Variants in TCF3 observed in about 807,000 individuals in gnomAD.
The protein encoded by TCF3 is transcription factor 3, also known as transcription factor E2-alpha.
A neutral mutation model predicts 72.3 loss-of-function variants in TCF3; 54 were observed. The observed-to-expected ratio is 0.75, with a 90% CI of 0.60 to 0.94. The LOEUF is 0.94. Ranked by LOEUF, TCF3 falls within the 40% of genes least tolerant of loss-of-function variation. TCF3 has a pLI of 0.00. For missense variants in TCF3, 1,078 were observed against 934.4 expected (o/e 1.15, Z -2.00); for synonymous variants, 525 against 412.6 (o/e 1.27, Z -3.30).
intron 6 of TCF3, among the ~76,000 whole-genome samples, chr19:1,626,817 C>G (rs2062940331): frequency 6.6e-6 from 1 of 152,230 alleles, no homozygotes; most frequent in Non-Finnish European, 1.5e-5. Context: ...AGTGAGCACA[C>G]AGACGGCCCC....
At chr19:1,638,984 C>T (rs1169847503) in intron 3 of TCF3, among the ~76,000 whole-genome samples, 1 of 152,238 alleles carries the variant, frequency 6.6e-6, no homozygotes, top group Non-Finnish European at 1.5e-5. Context: ...GCACAAAGAT[C>T]TGCCAAGCCA....
chr19:1,643,250 T>C (rs2065596986), intron 3 of TCF3, among the ~76,000 whole-genome samples: 1 of 152,238 alleles, frequency 6.6e-6, no homozygotes, highest in Non-Finnish European at 1.5e-5. Context: ...AGACAGGGTC[T>C]GGCTCTGTCA....
At chr19:1,642,392 T>C (rs1474519974) in intron 3 of TCF3, among the ~76,000 whole-genome samples, 1 of 152,174 alleles carries the variant, frequency 6.6e-6, no homozygotes, top group African/African-American at 2.4e-5. Flanking sequence ...GTCGGCTTCC[T>C]AGGTCTGACG....
chr19:1,621,488 T>C (rs1323026486), intron 11 of TCF3, among the ~76,000 whole-genome samples: 1 of 149,250 alleles, frequency 6.7e-6, no homozygotes, highest in South Asian at 2.1e-4. Context: ...ACTGAGTCCC[T>C]CTCTGGGCCT....
Position 1,614,458 on chromosome 19 carries a change from G to A in TCF3, c.1822+827C>T, listed in dbSNP as rs145777664. Among the ~76,000 whole-genome samples, 313 of 152,328 alleles carry A rather than the reference G, an allele frequency of 2.1e-3. 6 individuals are homozygous for A. Among genetic ancestry groups the A allele is most frequent in the Non-Finnish European group, 3.1e-3 (209 of 68,018 alleles). ...TGCCACGGGAAGCAGAGGGACGGAC[G>A]GGCGGGATGGAGGGGAGGGCGGAAG... is the stretch of plus-strand genomic sequence containing the variant. On this transcript the variant is annotated intron_variant, in intron 18 of 18. Coordinates refer to ENST00000262965, the MANE Select transcript of TCF3 (RefSeq NM_003200.5). This position sits in a 1 kb window ranked among gnomAD's most constrained non-coding sequence, Gnocchi z 5.6.
chr19:1,645,739 G>A (rs377440168), intron 3 of TCF3, among the ~76,000 whole-genome samples: 35 of 152,148 alleles, frequency 2.3e-4, no homozygotes, highest in African/African-American at 5.8e-4. Flanking sequence ...TATCTGTCCC[G>A]CCCACTGCTG....
At chr19:1,630,253 A>G (rs1030901633) in intron 5 of TCF3, among the ~76,000 whole-genome samples, 1 of 152,256 alleles carries the variant, frequency 6.6e-6, no homozygotes, top group South Asian at 2.1e-4. Flanking sequence ...CACCCCCGGC[A>G]GGGGGGCGGG....
At position 1,621,873 on chromosome 19, in the gene TCF3, T is replaced by C. The variant is rs370625466; in HGVS notation, c.920A>G (p.His307Arg). 27 of 1,594,560 alleles carry C rather than the reference T, an allele frequency of 1.7e-5. No individual in the cohort carries two copies. Among genetic ancestry groups the C allele is most frequent in the Non-Finnish European group, 2.1e-5 (25 of 1,172,404 alleles). The change falls in exon 11 of 19, where the codon CAC becomes CGC. Residue 307 changes from histidine (H) to arginine (R), a missense_variant. Transcript: ENST00000262965. ...PGATYGGVSS[H>R]TPPVSGADSL... ...GTCGGCCCCGCTGACAGGCGGCGTGTGGCTGGAGACGCCGCCGTACGTGGC... is the reference window on the plus strand; with the variant it reads ...GTCGGCCCCGCTGACAGGCGGCGTGCGGCTGGAGACGCCGCCGTACGTGGC...
intron 3 of TCF3, among the ~76,000 whole-genome samples, chr19:1,635,590 C>T (rs970784917): frequency 6.6e-6 from 1 of 152,056 alleles, no homozygotes; most frequent in Non-Finnish European, 1.5e-5. Context: ...CCCAAAACAC[C>T]CACCCTCAAC....
chr19:1,650,617 C>T (rs1182791765), intron 1 of TCF3: 2 of 269,896 alleles, frequency 7.4e-6, no homozygotes, highest in Non-Finnish European at 1.4e-5. Context: ...GCAGGGCAGC[C>T]AGAACCTCTC....
intron 2 of TCF3, among the ~76,000 whole-genome samples, chr19:1,649,177 C>T (rs1221709648): frequency 6.6e-6 from 1 of 152,238 alleles, no homozygotes; most frequent in Non-Finnish European, 1.5e-5. Flanking sequence ...CCGTGGCAGT[C>T]ACAATGGTGG....
At chr19:1,648,326 T>C (rs1600171255) in intron 2 of TCF3, among the ~76,000 whole-genome samples, 1 of 151,770 alleles carries the variant, frequency 6.6e-6, no homozygotes, top group South Asian at 2.1e-4. Context: ...GCCAGGGAGG[T>C]GGAACTCCAC....
At chr19:1,627,498 A>G in intron 5 of TCF3, 72 bp from the exon 6 acceptor site, 1 of 1,392,634 alleles carries the variant, frequency 7.2e-7, no homozygotes, top group Non-Finnish European at 1.0e-6. Context: ...AGTGCCTGCC[A>G]TGTGCCTACA....
chr19:1,638,811 G>A (rs141200819), intron 3 of TCF3, among the ~76,000 whole-genome samples: 82 of 152,364 alleles, frequency 5.4e-4, no homozygotes, highest in Middle Eastern at 3.4e-3. Flanking sequence ...CACACCGGGG[G>A]AAGCAATCCG....
intron 3 of TCF3, among the ~76,000 whole-genome samples, chr19:1,640,977 T>C (rs927114137): frequency 2.0e-5 from 3 of 151,886 alleles, no homozygotes; most frequent in Non-Finnish European, 4.4e-5. Flanking sequence ...GGCGAAACCA[T>C]GTCTCTACTA....
In TCF3 at chr19:1,625,594, C is replaced by T. The variant is rs752274630; in HGVS notation, c.481G>A (p.Ala161Thr). The change falls in exon 7 of 19, where the codon GCG becomes ACG. Residue 161 changes from alanine (A) to threonine (T), a missense_variant. Transcript: ENST00000262965. ...CGCTCACCTAGGCTGCCGTCTGCCG[C>T]TCTCCGCCGGGAGCTGCCGGAGTAG... ...PSYSGSSRRR[A>T]ADGSLDTQPK... The T allele has an allele frequency of 1.9e-6, 3 of 1,586,356 alleles. No homozygotes were observed. The highest frequency in any genetic ancestry group is 2.8e-5 in the African/African-American group (2 of 72,512).
intron 18 of TCF3, chr19:1,612,401 T>C: frequency 6.2e-7 from 1 of 1,613,810 alleles, no homozygotes; most frequent in Non-Finnish European, 8.5e-7. Context: ...CCTCAGGTCT[T>C]TCTCCTCCAG....
rs780392726 is a variant in TCF3 at position 1,619,227 on chromosome 19, C to T, written c.1334G>A (p.Gly445Asp). ...TGCGAGGCCGTCCTCGGGGTGGCTG[C>T]CTCCAACCTGCAGGCGTGGGGAGAC... Reference protein sequence around the residue: ...LGGRHAGLVGGSHPEDGLAGS... With the variant: ...LGGRHAGLVGDSHPEDGLAGS... The change falls in exon 16 of 19, where the codon GGC becomes GAC. Residue 445 changes from glycine to aspartate, a missense_variant. Transcript: ENST00000262965. 4 of 1,594,852 alleles carry T rather than the reference C, an allele frequency of 2.5e-6. No homozygotes were observed. Among genetic ancestry groups the T allele is most frequent in the African/African-American group, 1.3e-5 (1 of 74,964 alleles).
chr19:1,619,247 G>A lies in TCF3; in HGVS notation c.1327-13C>T, dbSNP rs2061885129. 1 of 1,585,616 alleles carries A rather than the reference G, an allele frequency of 6.3e-7. No individual in the cohort carries two copies. Among genetic ancestry groups the A allele is most frequent in the African/African-American group, 1.3e-5 (1 of 74,812 alleles). On this transcript the variant is annotated splice_polypyrimidine_tract_variant and intron_variant, in intron 15 of 18. Coordinates refer to ENST00000262965, the MANE Select transcript of TCF3 (RefSeq NM_003200.5). The stretch of plus-strand genomic sequence containing the variant: ...GGCTGCCTCCAACCTGCAGGCGTGG[G>A]GAGACGGGTGCATCAGGGGGAGCCG...
Sources: allele counts gnomAD v4.1 joint callset (sites outside exome capture counted in the v4.1 genomes callset), GRCh38; gene constraint gnomAD v4.1.1; non-coding constraint Gnocchi (gnomAD v3.1); transcripts MANE v1.5; gene names NCBI Gene and HGNC (gene_info 2026-07-23, HGNC 2026-07-21).